Variants in KCNH1 observed in about 807,000 individuals in gnomAD.
KCNH1 encodes potassium voltage-gated channel subfamily H member 1, also known as voltage-gated delayed rectifier potassium channel KCNH1.
Under a neutral mutation model 69.2 loss-of-function variants are expected in KCNH1, and 27 were observed. The observed-to-expected ratio is 0.39, with a 90% CI of 0.29 to 0.54. KCNH1 has a LOEUF of 0.54. Ranked by LOEUF, KCNH1 falls within the 20% of genes least tolerant of loss-of-function variation. The pLI is 0.68. For synonymous variants in KCNH1, 456 were observed against 487.7 expected, an observed-to-expected ratio of 0.93 and a Z score of 0.86; for missense variants, 798 against 1,261.6, an observed-to-expected ratio of 0.63 and a Z score of 5.57.
intron 8 of KCNH1, 109 bp downstream of exon 8, chr1:210,803,858 G>A: frequency 1.1e-6 from 1 of 951,920 alleles, no homozygotes; most frequent in Non-Finnish European, 1.6e-6. Context: ...AAGTACTCAA[G>A]TGAATTCTGA....
intron 9 of KCNH1, among the ~76,000 whole-genome samples, chr1:210,785,774 G>A (rs1353826469): frequency 6.6e-6 from 1 of 152,138 alleles, no homozygotes; most frequent in Non-Finnish European, 1.5e-5. Flanking sequence ...AAACTCATGT[G>A]TAGACCAGCC....
At chr1:210,816,735 T>C (rs557953232) in intron 7 of KCNH1, among the ~76,000 whole-genome samples, 1 of 152,326 alleles carries the variant, frequency 6.6e-6, no homozygotes, top group Non-Finnish European at 1.5e-5. Flanking sequence ...AAATAACACA[T>C]AATTTTAAAA....
chr1:211,056,983 C>G (rs1690321592), intron 5 of KCNH1, among the ~76,000 whole-genome samples: 1 of 152,136 alleles, frequency 6.6e-6, no homozygotes, highest in Non-Finnish European at 1.5e-5. Flanking sequence ...GAACATCCAC[C>G]AGTATCGAGA....
At chr1:211,033,115 A>G (rs1689823305) in intron 5 of KCNH1, among the ~76,000 whole-genome samples, 1 of 152,270 alleles carries the variant, frequency 6.6e-6, no homozygotes, top group Non-Finnish European at 1.5e-5. Flanking sequence ...ATGAACAGAC[A>G]CTTCTCAAAA....
intron 7 of KCNH1, among the ~76,000 whole-genome samples, chr1:210,895,962 G>A (rs990716628): frequency 1.3e-5 from 2 of 152,100 alleles, no homozygotes; most frequent in Non-Finnish European, 2.9e-5. Flanking sequence ...AGACAACCAC[G>A]AGAGATTCTG....
At chr1:211,019,300 A>C (rs761543135) in intron 5 of KCNH1, 44 bp from the exon 6 acceptor site, 11 of 1,263,800 alleles carry the variant, frequency 8.7e-6, no homozygotes, top group Non-Finnish European at 1.1e-5. Flanking sequence ...GTTAGGATTT[A>C]ATTGCAAGTA....
At chr1:210,998,564 G>A (rs1311536229) in intron 6 of KCNH1, among the ~76,000 whole-genome samples, 3 of 152,140 alleles carry the variant, frequency 2.0e-5, no homozygotes, top group Admixed American at 2.0e-4. Flanking sequence ...ATAATAGTGG[G>A]AGACTTTAAC....
intron 5 of KCNH1, among the ~76,000 whole-genome samples, chr1:211,055,826 G>C: frequency 6.6e-6 from 1 of 152,192 alleles, no homozygotes; most frequent in African/African-American, 2.4e-5. Flanking sequence ...AAGGGAACCT[G>C]ATGCCTTGAA....
intron 1 of KCNH1, among the ~76,000 whole-genome samples, chr1:211,120,583 G>C: frequency 6.6e-6 from 1 of 151,924 alleles, no homozygotes; most frequent in South Asian, 2.1e-4. Context: ...AAAAGTCTTA[G>C]ACCATAATTG....
chr1:211,058,372 G>A (rs960341527), intron 5 of KCNH1, among the ~76,000 whole-genome samples: 1 of 152,024 alleles, frequency 6.6e-6, no homozygotes, highest in Non-Finnish European at 1.5e-5. Context: ...AAGACTAAAA[G>A]TTGAACCAAT....
At chr1:210,846,476 G>T (rs1394992656) in intron 7 of KCNH1, among the ~76,000 whole-genome samples, 4 of 151,956 alleles carry the variant, frequency 2.6e-5, no homozygotes, top group South Asian at 2.1e-4. Context: ...ACAAGCAATG[G>T]GGAAAGGATT....
intron 7 of KCNH1, among the ~76,000 whole-genome samples, chr1:210,893,479 C>T (rs1279946655): frequency 2.0e-5 from 3 of 151,678 alleles, no homozygotes; most frequent in Non-Finnish European, 4.4e-5. Flanking sequence ...ATGTACCTTG[C>T]CATAGGTTTT....
At chr1:210,783,497 T>C (rs185711830) in intron 9 of KCNH1, among the ~76,000 whole-genome samples, 23 of 152,326 alleles carry the variant, frequency 1.5e-4, no homozygotes, top group Middle Eastern at 3.4e-3. Flanking sequence ...TGCAGGTAAG[T>C]GTGGCCATCT....
At chr1:210,796,392 G>A (rs1684315995) in intron 9 of KCNH1, among the ~76,000 whole-genome samples, 1 of 152,122 alleles carries the variant, frequency 6.6e-6, no homozygotes, top group South Asian at 2.1e-4. Context: ...TGTGTCAAAT[G>A]GCACAGAGTA....
At chr1:210,801,227 C>T (rs1255257425) in intron 8 of KCNH1, among the ~76,000 whole-genome samples, 1 of 152,184 alleles carries the variant, frequency 6.6e-6, no homozygotes, top group African/African-American at 2.4e-5. Context: ...AAGTGATATG[C>T]TCAAAGTCAC....
intron 7 of KCNH1, among the ~76,000 whole-genome samples, chr1:210,823,105 G>A (rs1160592848): frequency 6.6e-6 from 1 of 152,152 alleles, no homozygotes; most frequent in Non-Finnish European, 1.5e-5. Flanking sequence ...ATCAGCTCCA[G>A]TCCTGCTGAC....
At chr1:211,092,844 A>G (rs1288773307) in intron 3 of KCNH1, among the ~76,000 whole-genome samples, 1 of 150,492 alleles carries the variant, frequency 6.6e-6, no homozygotes, top group Non-Finnish European at 1.5e-5. Flanking sequence ...TTTTTGCTCT[A>G]AAAAAATTTC....
At chr1:210,983,696 C>G (rs976384609) in intron 6 of KCNH1, among the ~76,000 whole-genome samples, 2 of 152,156 alleles carry the variant, frequency 1.3e-5, no homozygotes, top group Admixed American at 1.3e-4. Context: ...AGTTTGAAGT[C>G]AGGTAGCGTG....
chr1:210,832,921 T>TATACAC (rs10693882), intron 7 of KCNH1, among the ~76,000 whole-genome samples: 1 of 144,228 alleles, frequency 6.9e-6, no homozygotes, highest in Non-Finnish European at 1.5e-5. Flanking sequence ...TATATATATA[T>TATACAC]ACATATAAAT....
Sources: gnomAD v4.1 joint callset for allele counts (sites outside exome capture counted in the v4.1 genomes callset) on GRCh38, gnomAD v4.1.1 for gene constraint, MANE v1.5 for transcripts, NCBI Gene and HGNC (gene_info 2026-07-23, HGNC 2026-07-21) for gene names.